PPL: variants seen among roughly 807,000 people sequenced by gnomAD.
The protein encoded by PPL is periplakin.
A neutral mutation model predicts 194.4 loss-of-function variants in PPL; 198 were observed. The observed-to-expected ratio is 1.02, with a 90% CI of 0.91 to 1.15. PPL has a LOEUF of 1.15. Among genes scored for constraint, PPL ranks in the 50% most tolerant of loss-of-function variants. The probability of loss-of-function intolerance (pLI) is 0.00; values close to 1 mark genes in which losing one functional copy is unlikely to be tolerated. For synonymous variants in PPL, 1,220 were observed against 972.4 expected (o/e 1.25, Z -4.74); for missense variants, 2,885 against 2,294.8 (o/e 1.26, Z -5.25).
intron 19 of PPL, chr16:4,888,726 AC>A: frequency 2.4e-6 from 1 of 410,276 alleles, no homozygotes; most frequent in Non-Finnish European, 4.2e-6. Flanking sequence ...TTTTTTTTGT[AC>A]TTTTTCCTTA....
chr16:4,911,841 A>G (rs2035002960), intron 1 of PPL, among the ~76,000 whole-genome samples: 2 of 151,978 alleles, frequency 1.3e-5, no homozygotes, highest in South Asian at 2.1e-4. Context: ...CCCCGACTAC[A>G]TATTTTTTTG....
At chr16:4,931,710 C>T (rs2089227871) in intron 1 of PPL, among the ~76,000 whole-genome samples, 1 of 152,228 alleles carries the variant, frequency 6.6e-6, no homozygotes, top group Non-Finnish European at 1.5e-5. Flanking sequence ...AAAGCAGCTT[C>T]TCCCCCAGGT....
chr16:4,907,016 G>T (rs554046880), intron 2 of PPL, among the ~76,000 whole-genome samples: 1 of 151,358 alleles, frequency 6.6e-6, no homozygotes, highest in Non-Finnish European at 1.5e-5. Context: ...AGGCCCAGGC[G>T]GGAGGATTGC....
intron 1 of PPL, among the ~76,000 whole-genome samples, chr16:4,912,975 G>GCA (rs2088849589): frequency 1.3e-5 from 2 of 151,998 alleles, no homozygotes; most frequent in Non-Finnish European, 2.9e-5. Flanking sequence ...GTGGTGGCAT[G>GCA]CGCCTGTAGT....
chr16:4,896,293 C>T (rs1035947974), intron 9 of PPL, among the ~76,000 whole-genome samples: 11 of 152,140 alleles, frequency 7.2e-5, no homozygotes, highest in South Asian at 2.1e-4. Context: ...AAGAATTACC[C>T]GCAGCTTCTT....
At chr16:4,927,678 C>T (rs925311227) in intron 1 of PPL, among the ~76,000 whole-genome samples, 3 of 152,234 alleles carry the variant, frequency 2.0e-5, no homozygotes, top group Non-Finnish European at 2.9e-5. Flanking sequence ...TCCTCACACC[C>T]AGCTATTAAT....
chr16:4,900,394 C>T (rs2088536468), intron 6 of PPL, among the ~76,000 whole-genome samples: 2 of 149,172 alleles, frequency 1.3e-5, no homozygotes, highest in Non-Finnish European at 1.5e-5. Flanking sequence ...CCTCTCTTCC[C>T]GCCTCAACCC....
rs757158456 is a variant in PPL at position 4,899,268 on chromosome 16, C to G, written c.723G>C (p.Trp241Cys). Reference protein sequence around the residue: ...QQAKGRMQYDWSDRNLDYPSR... With the variant: ...QQAKGRMQYDCSDRNLDYPSR... ...TGGGGTAGTCGAGGTTGCGGTCACT[C>G]CAGTCGTACTGCATGCGGCCCTTGG... is the stretch of plus-strand genomic sequence containing the variant. Residue 241 changes from tryptophan to cysteine, a missense_variant, in exon 7 of 22, where the codon TGG becomes TGC. Transcript: ENST00000345988. 6.2e-6 allele frequency: 10 copies of G among 1,613,778 alleles called. No individual in the cohort carries two copies. The highest frequency in any genetic ancestry group is 8.5e-6 in the Non-Finnish European group (10 of 1,179,998).
intron 6 of PPL, 91 bp from the exon 7 acceptor site, chr16:4,899,475 C>CTGGCATGAGGACAAGCCCAGCTATGGG: frequency 2.8e-6 from 2 of 709,080 alleles, no homozygotes; most frequent in Non-Finnish European, 4.6e-6. Context: ...CCAGCTATGG[C>CTGGCATGAGGACAAGCCCAGCTATGGG]TGGCCTGAGG....
Position 4,937,085 on chromosome 16 carries a change from G to T in PPL, c.-40C>A. 1 of 1,255,144 alleles carries T rather than the reference G, an allele frequency of 8.0e-7. No individual in the cohort carries two copies. The highest frequency in any genetic ancestry group is 1.0e-6 in the Non-Finnish European group (1 of 995,394). The allele number at this position is 1,255,144 out of a possible 1,614,324, so 77.8% of individuals were successfully genotyped here. On this transcript the variant is annotated 5_prime_UTR_variant, in exon 1 of 22. Transcript: ENST00000345988. The stretch of plus-strand genomic sequence containing the variant: ...TGCGGGCGGCGGCGGCTGGCGGGCC[G>T]GGCGCGCACCGAGGGGCGGGCGGGA...
In PPL at chr16:4,885,016, C is replaced by G; in HGVS notation, c.3639G>C (p.Gln1213His). The change falls in exon 22 of 22, where the codon CAG becomes CAC. Residue 1213 changes from glutamine (Q) to histidine (H), a missense_variant. By Grantham distance (24) the Gln-to-His change is conservative. Transcript: ENST00000345988. The surrounding 1 kb of genome is among the most constrained non-coding windows in gnomAD (Gnocchi z 6.3). ...GCCTCCTGAGGGCCTCCAGCTCACT[C>G]TGGTAGCTCCGGAGCTGCTCCTCGG... is the stretch of plus-strand genomic sequence containing the variant. The part of the protein sequence containing the change: ...RGAEEQLRSY[Q>H]SELEALRRRG... The G allele has an allele frequency of 6.2e-7, 1 of 1,613,926 alleles. No homozygotes were observed. The highest frequency in any genetic ancestry group is 8.5e-7 in the Non-Finnish European group (1 of 1,180,030).
At chr16:4,899,800 C>G (rs913017189) in intron 6 of PPL, among the ~76,000 whole-genome samples, 40 of 152,160 alleles carry the variant, frequency 2.6e-4, no homozygotes, top group African/African-American at 9.4e-4. Context: ...CAACAAATAT[C>G]AGTAACTATA....
chr16:4,885,318 T>G lies in PPL; in HGVS notation c.3337A>C (p.Thr1113Pro). The change falls in exon 22 of 22, where the codon ACC (threonine) becomes CCC (proline). Residue 1113 changes from threonine (T) to proline (P), a missense_variant. Coordinates refer to ENST00000345988, the MANE Select transcript of PPL (RefSeq NM_002705.5). This position sits in a 1 kb window ranked among gnomAD's most constrained non-coding sequence, Gnocchi z 6.3. ...KERAMAEGKI[T>P]VKEVLKVEKD... ...TCCACCTTGAGCACCTCCTTGACGG[T>G]GATCTTGCCCTCGGCCATGGCCCGC... is the stretch of plus-strand genomic sequence containing the variant. 6.2e-7 allele frequency: 1 copy of G among 1,612,438 alleles called. No homozygotes were observed. The highest frequency in any genetic ancestry group is 8.5e-7 in the Non-Finnish European group (1 of 1,179,910).
chr16:4,887,817 A>G (rs2088242593), intron 20 of PPL, among the ~76,000 whole-genome samples: 1 of 152,152 alleles, frequency 6.6e-6, no homozygotes, highest in Non-Finnish European at 1.5e-5. Flanking sequence ...GCTGGTCTCC[A>G]ACCCCTGGGC....
rs975245539 is a variant in PPL at position 4,885,720 on chromosome 16, G to A, written c.2935C>T (p.Arg979Cys). Residue 979 changes from arginine to cysteine, a missense_variant, in exon 22 of 22, where the codon CGT (arginine) becomes TGT (cysteine). Transcript: ENST00000345988. This position sits in a 1 kb window ranked among gnomAD's most constrained non-coding sequence, Gnocchi z 6.3. ...EELEALQLQL[R>C]ALEQETRDGG... ...TCTCTGGTCTCCTGCTCCAGGGCAC[G>A]CAGCTGCAGCTGCAGTGCCTCCAGC... is the stretch of plus-strand genomic sequence containing the variant. 14 of 1,612,722 alleles carry A rather than the reference G, an allele frequency of 8.7e-6. No individual in the cohort carries two copies. Among genetic ancestry groups the A allele is most frequent in the East Asian group, 2.2e-5 (1 of 44,816 alleles).
In PPL at chr16:4,885,772, C is replaced by T. The variant is rs938398652; in HGVS notation, c.2883G>A (p.Gln961=). The change falls in exon 22 of 22, where the codon CAG becomes CAA. Residue 961 remains glutamine, a synonymous_variant. Coordinates refer to ENST00000345988, the MANE Select transcript of PPL (RefSeq NM_002705.5). This position sits in a 1 kb window ranked among gnomAD's most constrained non-coding sequence, Gnocchi z 6.3. Reference sequence around the variant, plus strand: ...CCTCCTGCAGCAGCTGGTTCTTGTGCTGCTCCTCTGCCAGCGTCCGCTGCA... The same window carrying T: ...CCTCCTGCAGCAGCTGGTTCTTGTGTTGCTCCTCTGCCAGCGTCCGCTGCA... ...QQLQRTLAEE[Q]HKNQLLQEEL... The T allele has an allele frequency of 2.5e-6, 4 of 1,611,184 alleles. No individual in the cohort carries two copies. The highest frequency in any genetic ancestry group is 1.3e-5 in the African/African-American group (1 of 74,912).
Position 4,884,148 on chromosome 16 carries a change from C to T in PPL, c.4507G>A (p.Glu1503Lys), listed in dbSNP as rs750003955. The T allele has an allele frequency of 2.4e-5, 38 of 1,613,818 alleles. No individual in the cohort carries two copies. In the Middle Eastern group the frequency reaches 4.9e-4, roughly 21 times the overall value. ...AEVKEKVVLS[E>K]SVQVEKGDTE... ...TCGCCCTTCTCCACCTGGACACTCTCGGAGAGCACCACCTTCTCCTTGACC... is the reference window on the plus strand; with the variant it reads ...TCGCCCTTCTCCACCTGGACACTCTTGGAGAGCACCACCTTCTCCTTGACC... Residue 1503 changes from glutamate (E) to lysine (K), a missense_variant, in exon 22 of 22, where the codon GAG becomes AAG. Glu to Lys is a moderately conservative substitution (Grantham distance 56). Transcript: ENST00000345988. The surrounding 1 kb of genome is among the most constrained non-coding windows in gnomAD (Gnocchi z 5.7).
At chr16:4,903,253 T>A (rs2088613433) in intron 3 of PPL, among the ~76,000 whole-genome samples, 1 of 151,518 alleles carries the variant, frequency 6.6e-6, no homozygotes, top group Non-Finnish European at 1.5e-5. Context: ...CACGATAAAA[T>A]GAACTGGGAG....
At chr16:4,928,488 C>T (rs2089187503) in intron 1 of PPL, among the ~76,000 whole-genome samples, 1 of 152,246 alleles carries the variant, frequency 6.6e-6, no homozygotes, top group South Asian at 2.1e-4. Flanking sequence ...CACACCAGAG[C>T]TGCTGGCTGA....
Sources: gnomAD v4.1 joint callset for allele counts (sites outside exome capture counted in the v4.1 genomes callset) on GRCh38, gnomAD v4.1.1 for gene constraint, Gnocchi (gnomAD v3.1) non-coding constraint, MANE v1.5 for transcripts, NCBI Gene and HGNC (gene_info 2026-07-23, HGNC 2026-07-21) for gene names.